Variants in NAALADL2 observed in about 807,000 individuals in gnomAD.
The protein encoded by NAALADL2 is inactive N-acetylated-alpha-linked acidic dipeptidase-like protein 2.
Under a neutral mutation model 87.2 loss-of-function variants are expected in NAALADL2, and 76 were observed. The observed-to-expected ratio is 0.87, with a 90% confidence interval of 0.72 to 1.05. The LOEUF (loss-of-function observed/expected upper bound fraction) is 1.05, where lower values mean the gene tolerates loss of function less well. Ranked by LOEUF, NAALADL2 falls within the 50% of genes least tolerant of loss-of-function variation. NAALADL2 has a pLI of 0.00. For synonymous variants in NAALADL2, 354 were observed against 331.0 expected (o/e 1.07, Z -0.75); for missense variants, 1,089 against 945.8 (o/e 1.15, Z -1.99).
At chr3:175,192,773 GTTGTTTTGTT>G (rs1378251477) in intron 2 of NAALADL2, among the ~76,000 whole-genome samples, 1 of 151,906 alleles carries the variant, frequency 6.6e-6, no homozygotes, top group South Asian at 2.1e-4. Context: ...CAAATCAGTA[GTTGTTTTGTT>G]TATTGAAATA....
At chr3:175,522,829 T>A (rs1164016065) in intron 9 of NAALADL2, among the ~76,000 whole-genome samples, 1 of 151,998 alleles carries the variant, frequency 6.6e-6, no homozygotes, top group East Asian at 1.9e-4. Context: ...AGTTGGGGAG[T>A]CTTTTCTCTC....
chr3:175,100,582 A>G (rs1721968297), intron 2 of NAALADL2, among the ~76,000 whole-genome samples: 3 of 152,178 alleles, frequency 2.0e-5, no homozygotes, highest in Non-Finnish European at 4.4e-5. Flanking sequence ...TAATGCCTGT[A>G]ATCCCAGCAG....
At chr3:175,037,304 A>G (rs1170977849) in intron 1 of NAALADL2, among the ~76,000 whole-genome samples, 3 of 152,150 alleles carry the variant, frequency 2.0e-5, no homozygotes, top group African/African-American at 7.2e-5. Context: ...GCTGCAACCA[A>G]GCACTCTGCT....
intron 11 of NAALADL2, among the ~76,000 whole-genome samples, chr3:175,649,026 G>A (rs967812734): frequency 5.9e-5 from 9 of 152,106 alleles, no homozygotes; most frequent in African/African-American, 2.2e-4. Flanking sequence ...AATTCTTTTG[G>A]CAGAAGCTTA....
At chr3:175,627,444 G>C in intron 11 of NAALADL2, 58 bp downstream of exon 11, 1 of 1,133,640 alleles carries the variant, frequency 8.8e-7, no homozygotes, top group South Asian at 1.4e-5. Context: ...TTTATTGGTA[G>C]ATGGAGCAAA....
At chr3:175,477,111 T>C (rs112294338) in intron 9 of NAALADL2, among the ~76,000 whole-genome samples, 9,362 of 151,992 alleles carry the variant, frequency 0.062, 983 homozygotes, top group African/African-American at 0.21. Context: ...CACCAAAACA[T>C]TGAGAGCTGT....
chr3:175,192,735 C>T (rs1008055689), intron 2 of NAALADL2, among the ~76,000 whole-genome samples: 9 of 151,892 alleles, frequency 5.9e-5, no homozygotes, highest in Admixed American at 4.6e-4. Context: ...AAACCATTTC[C>T]GTTGGCTCCT....
chr3:175,192,905 C>A (rs763332385), intron 2 of NAALADL2, among the ~76,000 whole-genome samples: 2 of 151,620 alleles, frequency 1.3e-5, no homozygotes, highest in African/African-American at 4.8e-5. Context: ...ATAAAAAAAA[C>A]CCTGCACATT....
intron 4 of NAALADL2, among the ~76,000 whole-genome samples, chr3:175,292,219 A>G (rs772512694): frequency 2.0e-5 from 3 of 152,170 alleles, no homozygotes; most frequent in Non-Finnish European, 4.4e-5. Context: ...TCTTACATGA[A>G]TTTAAATGAA....
At chr3:175,696,528 CT>C (rs911279744) in intron 11 of NAALADL2, among the ~76,000 whole-genome samples, 2 of 151,840 alleles carry the variant, frequency 1.3e-5, no homozygotes, top group Middle Eastern at 3.4e-3. Context: ...GATGCAAACA[CT>C]TTTTTTTCAT....
intron 1 of NAALADL2, among the ~76,000 whole-genome samples, chr3:175,077,570 G>A (rs967244588): frequency 1.3e-5 from 2 of 152,056 alleles, no homozygotes; most frequent in Non-Finnish European, 2.9e-5. Flanking sequence ...TATTTAAAAT[G>A]TAATGAATTT....
chr3:175,423,164 AG>A (rs1282927502), intron 5 of NAALADL2, among the ~76,000 whole-genome samples: 1 of 48,778 alleles, frequency 2.1e-5, no homozygotes, highest in Admixed American at 2.8e-4. Context: ...GTTCTAAGAA[AG>A]GGAGGGGGGG....
At chr3:175,275,813 A>G (rs888412070) in intron 4 of NAALADL2, among the ~76,000 whole-genome samples, 1 of 151,352 alleles carries the variant, frequency 6.6e-6, no homozygotes, top group Non-Finnish European at 1.5e-5. Flanking sequence ...TCCAACAAAA[A>G]ATTAGTACTC....
chr3:175,385,939 A>G (rs1768328246), intron 5 of NAALADL2, among the ~76,000 whole-genome samples: 1 of 152,058 alleles, frequency 6.6e-6, no homozygotes, highest in Admixed American at 6.6e-5. Flanking sequence ...TAGGCAACTT[A>G]GGGGAGAATA....
intron 2 of NAALADL2, among the ~76,000 whole-genome samples, chr3:175,220,450 C>T (rs1452629830): frequency 6.6e-6 from 1 of 151,754 alleles, no homozygotes; most frequent in Non-Finnish European, 1.5e-5. Flanking sequence ...TTTTTAAGGA[C>T]ATTTTTCTAC....
At chr3:174,838,021 G>GAAAAAAAAAAAAAAAA (rs77681462) in intron 3 of NAALADL2, among the ~76,000 whole-genome samples, 101 of 71,758 alleles carry the variant, frequency 1.4e-3, no homozygotes, top group South Asian at 3.0e-3. Flanking sequence ...AACCAAAAAA[G>GAAAAAAAAAAAAAAAA]AAAAAAAAAA....
At chr3:174,713,155 A>G (rs183031401) in intron 2 of NAALADL2, among the ~76,000 whole-genome samples, 3 of 152,334 alleles carry the variant, frequency 2.0e-5, no homozygotes, top group East Asian at 1.9e-4. Flanking sequence ...ATGGCTGCAT[A>G]GTATTCCATG....
At chr3:175,632,922 T>C (rs889047584) in intron 11 of NAALADL2, among the ~76,000 whole-genome samples, 1 of 152,134 alleles carries the variant, frequency 6.6e-6, no homozygotes, top group African/African-American at 2.4e-5. Context: ...TCAGTGGCAT[T>C]AGCCATAATT....
intron 2 of NAALADL2, among the ~76,000 whole-genome samples, chr3:175,174,210 C>G (rs1312194442): frequency 6.6e-6 from 1 of 152,020 alleles, no homozygotes. Context: ...TATTTTAAAA[C>G]CTTTCTTAGT....
Sources: gnomAD v4.1 joint callset for allele counts (sites outside exome capture counted in the v4.1 genomes callset) on GRCh38, gnomAD v4.1.1 for gene constraint, MANE v1.5 for transcripts, NCBI Gene and HGNC (gene_info 2026-07-23, HGNC 2026-07-21) for gene names.